Variants in KIR2DL1 observed in about 807,000 individuals in gnomAD.
KIR2DL1 encodes the protein killer cell immunoglobulin-like receptor 2DL1.
Under a neutral mutation model 33.9 loss-of-function variants are expected in KIR2DL1, and 38 were observed. The observed-to-expected ratio is 1.12, with a 90% CI of 0.86 to 1.47. The LOEUF is 1.47. KIR2DL1 is among the 40% of genes most tolerant of loss of function. The pLI, the probability that KIR2DL1 is intolerant of heterozygous loss-of-function variation, is 0.00. For missense variants in KIR2DL1, 531 were observed against 433.9 expected, an observed-to-expected ratio of 1.22 and a Z score of -1.99; for synonymous variants, 179 against 165.9, an observed-to-expected ratio of 1.08 and a Z score of -0.61.
At chr19:54,778,215 C>A (rs2076566749) in intron 4 of KIR2DL1, among the ~76,000 whole-genome samples, 1 of 148,954 alleles carries the variant, frequency 6.7e-6, no homozygotes, top group African/African-American at 2.5e-5. Context: ...ACCGAGATTG[C>A]ACCTCTGCAC....
At chr19:54,772,247 G>A (rs2075815980) in intron 2 of KIR2DL1, among the ~76,000 whole-genome samples, 1 of 147,268 alleles carries the variant, frequency 6.8e-6, no homozygotes, top group African/African-American at 2.5e-5. Flanking sequence ...GAGGGGAGTG[G>A]GGATTACAGC....
At chr19:54,777,752 A>G (rs796133267) in intron 4 of KIR2DL1, among the ~76,000 whole-genome samples, 8,514 of 127,606 alleles carry the variant, frequency 0.067, 44 homozygotes, top group African/African-American at 0.12. Context: ...CTTCAGACAA[A>G]CGTCCTGGAG....
intron 2 of KIR2DL1, among the ~76,000 whole-genome samples, chr19:54,772,379 A>T (rs1569161140): frequency 6.8e-6 from 1 of 147,310 alleles, no homozygotes; most frequent in African/African-American, 2.5e-5. Context: ...AGAGGGAACG[A>T]AGCCCTGCAG....
chr19:54,775,038 G>C, intron 3 of KIR2DL1, 127 bp from the exon 4 acceptor site: 1 of 1,285,660 alleles, frequency 7.8e-7, no homozygotes, highest in Non-Finnish European at 1.1e-6. Context: ...AGAGCGATGG[G>C]GTAGAGGGTG....
At chr19:54,782,900 T>TAA (rs2077177527) in intron 5 of KIR2DL1, 22 bp from the exon 6 acceptor site, 1 of 1,606,168 alleles carries the variant, frequency 6.2e-7, no homozygotes, top group African/African-American at 1.3e-5. Context: ...TAGCTTCTTA[T>TAA]TGGTGTCTCA....
chr19:54,778,195 G>T (rs555357250), intron 4 of KIR2DL1, among the ~76,000 whole-genome samples: 2 of 148,728 alleles, frequency 1.3e-5, no homozygotes. Flanking sequence ...GGAGGCTGAG[G>T]TTGCAGTGAA....
chr19:54,773,619 C>T lies in KIR2DL1; in HGVS notation c.357C>T (p.Asp119=), dbSNP rs758001562. ...YQVSAPSDPL[D]IVIIGLYEKP... ...TGTCAGCTCCCAGTGACCCTCTGGA[C>T]ATCGTGATCATAGGTGAGAGTGTCC... is the stretch of plus-strand genomic sequence containing the variant. Residue 119 remains aspartate (D), a synonymous_variant, in exon 3 of 8, where the codon GAC becomes GAT. Transcript: ENST00000336077. 11 of 1,574,046 alleles carry T rather than the reference C, an allele frequency of 7.0e-6. No individual in the cohort carries two copies. The highest frequency in any genetic ancestry group is 3.4e-5 in the Admixed American group (2 of 58,466).
rs556963982 is a variant in KIR2DL1, at chr19:54,773,756, G to C, written c.370+124G>C. The C allele has an allele frequency of 3.6e-4, 389 of 1,082,542 alleles. 13 individuals carry two copies. In the East Asian group the frequency reaches 4.1e-3, roughly 11 times the overall value. 67.1% of individuals were successfully genotyped at this position (1,082,542 alleles called of 1,614,324 possible). A position where few individuals can be genotyped will look rare whatever the true frequency, so the allele number is the denominator to read the frequency against. On this transcript the variant is annotated intron_variant, in intron 3 of 7. Transcript: ENST00000336077. Reference sequence around the variant, plus strand: ...ATTCTTATGGAGAGAGACTGACTTGGTGAGGTCTGTGCCAACAGAGACAGA... The same window carrying C: ...ATTCTTATGGAGAGAGACTGACTTGCTGAGGTCTGTGCCAACAGAGACAGA...
At chr19:54,781,861 C>G (rs562617661) in intron 5 of KIR2DL1, among the ~76,000 whole-genome samples, 2 of 151,812 alleles carry the variant, frequency 1.3e-5, no homozygotes, top group African/African-American at 2.4e-5. Context: ...TGTAGAAACC[C>G]TAAAGCACAT....
intron 5 of KIR2DL1, among the ~76,000 whole-genome samples, chr19:54,782,547 G>C (rs2077108095): frequency 6.6e-6 from 1 of 152,008 alleles, no homozygotes; most frequent in African/African-American, 2.4e-5. Flanking sequence ...TTAACAACCA[G>C]CTCTCCGGGA....
chr19:54,779,380 A>C (rs963206848), intron 5 of KIR2DL1, among the ~76,000 whole-genome samples: 1 of 148,762 alleles, frequency 6.7e-6, no homozygotes, highest in Non-Finnish European at 1.5e-5. Flanking sequence ...CACTTGTCCC[A>C]GCTTCTAAAG....
At position 54,783,738 on chromosome 19, in the gene KIR2DL1, A is replaced by T; in HGVS notation, c.972A>T (p.Thr324=). The T allele has an allele frequency of 2.5e-6, 4 of 1,613,810 alleles. No individual in the cohort carries two copies. The Admixed American group carries it at 6.7e-5, about 27-fold the overall frequency. The change falls in exon 8 of 8, where the codon ACA becomes ACT. Residue 324 remains threonine (T), a synonymous_variant. Coordinates refer to ENST00000336077, the MANE Select transcript of KIR2DL1 (RefSeq NM_014218.3). ...CTCGCCCTTCTCAGAGGCCCAAGAC[A>T]CCCCCAACAGATATCATCGTGTACA... ...KITRPSQRPK[T]PPTDIIVYTE...
At chr19:54,783,282 G>A (rs1351670935) in intron 6 of KIR2DL1, among the ~76,000 whole-genome samples, 3 of 151,944 alleles carry the variant, frequency 2.0e-5, no homozygotes, top group South Asian at 4.2e-4. Flanking sequence ...GGCAGAAAGT[G>A]GGAGACAGAA....
chr19:54,779,097 A>C (rs141340363), intron 5 of KIR2DL1, among the ~76,000 whole-genome samples: 9,211 of 125,962 alleles, frequency 0.073, 3 homozygotes, highest in South Asian at 0.16. Context: ...GCAGAGAAAG[A>C]GCCTTGCCGT....
Position 54,773,635 on chromosome 19 carries a change from G to C in KIR2DL1, c.370+3G>C. ...CCCTCTGGACATCGTGATCATAGGTGAGAGTGTCCAGACTTTCTTCTCATT... is the reference window on the plus strand; with the variant it reads ...CCCTCTGGACATCGTGATCATAGGTCAGAGTGTCCAGACTTTCTTCTCATT... On this transcript the variant is annotated splice_donor_region_variant and intron_variant, in intron 3 of 7. Coordinates refer to ENST00000336077, the MANE Select transcript of KIR2DL1 (RefSeq NM_014218.3). 1.9e-6 allele frequency: 3 copies of C among 1,568,638 alleles called. No individual in the cohort carries two copies. The highest frequency in any genetic ancestry group is 2.6e-6 in the Non-Finnish European group (3 of 1,145,172).
chr19:54,772,495 G>A (rs567358555), intron 2 of KIR2DL1, among the ~76,000 whole-genome samples: 5 of 145,832 alleles, frequency 3.4e-5, no homozygotes, highest in Admixed American at 7.0e-5. Flanking sequence ...ATTTTCTACA[G>A]CAGCAACAGG....
In KIR2DL1 at chr19:54,778,780, T is replaced by C. The variant is rs2076641386; in HGVS notation, c.715+118T>C. 6.5e-6 allele frequency: 8 copies of C among 1,229,944 alleles called. 1 individual carries two copies. The highest frequency in any genetic ancestry group is 1.3e-5 in the South Asian group (1 of 77,382). 76.2% of individuals were successfully genotyped at this position (1,229,944 alleles called of 1,614,324 possible). A position where few individuals can be genotyped will look rare whatever the true frequency, so the allele number is the denominator to read the frequency against. On this transcript the variant is annotated intron_variant, in intron 5 of 7. Transcript: ENST00000336077. ...CATTGTACACTTGTCTTCCACCATC[T>C]CCGAACTCCAGATACTCCTACAGCG...
chr19:54,769,925 G>A (rs1213043372), intron 1 of KIR2DL1, 41 bp downstream of exon 1: 1 of 1,550,042 alleles, frequency 6.5e-7, no homozygotes, highest in Non-Finnish European at 8.8e-7. Context: ...GTGAGGGGAT[G>A]GAGATCTGGG....
intron 2 of KIR2DL1, among the ~76,000 whole-genome samples, chr19:54,771,250 G>A (rs112763227): frequency 1.4e-5 from 2 of 145,722 alleles, no homozygotes; most frequent in African/African-American, 5.1e-5. Context: ...CCATGGCCCT[G>A]ACATTCCAAT....
Sources: gnomAD v4.1 joint callset for allele counts (sites outside exome capture counted in the v4.1 genomes callset) on GRCh38, gnomAD v4.1.1 for gene constraint, MANE v1.5 for transcripts, NCBI Gene and HGNC (gene_info 2026-07-23, HGNC 2026-07-21) for gene names.